The following PTCHD4 variants were observed in gnomAD, a reference collection of about 807,000 sequenced individuals.
The protein encoded by PTCHD4 is patched domain containing 4, also known as patched domain-containing protein 4.
PTCHD4 carries 33 observed loss-of-function variants against 58.1 expected under a neutral mutation model. The ratio of observed to expected loss-of-function variants is 0.57; its 90% CI spans 0.43 to 0.76. The LOEUF is 0.76. Among genes scored for constraint, PTCHD4 ranks in the 30% least tolerant of loss-of-function variants. The pLI, the probability that PTCHD4 is intolerant of heterozygous loss-of-function variation, is 0.00. For synonymous variants in PTCHD4, 478 were observed against 409.6 expected, an observed-to-expected ratio of 1.17 and a Z score of -2.02; for missense variants, 1,058 against 1,027.1, an observed-to-expected ratio of 1.03 and a Z score of -0.41.
intron 3 of PTCHD4, among the ~76,000 whole-genome samples, chr6:48,056,578 A>G (rs1451555003): frequency 1.3e-5 from 2 of 152,242 alleles, no homozygotes; most frequent in East Asian, 1.9e-4. Flanking sequence ...TATTAAAACA[A>G]TAAATGTAAC....
chr6:47,976,525 G>C (rs1396477925), intron 4 of PTCHD4, among the ~76,000 whole-genome samples: 1 of 151,926 alleles, frequency 6.6e-6, no homozygotes, highest in Non-Finnish European at 1.5e-5. Context: ...GTGGTGGCGT[G>C]CACCTGTAAT....
rs753915906 is a variant in PTCHD4 at position 47,879,185 on chromosome 6, C to T, written c.1650G>A (p.Gln550=). ...SGFTAVSWVE[Q]YYQFLKVSNV... is the part of the protein sequence containing the mutation. Reference sequence around the variant, plus strand: ...TGCTGACTTTCAGGAACTGGTAGTACTGCTCCACCCAGGACACTGCAGTGA... The same window carrying T: ...TGCTGACTTTCAGGAACTGGTAGTATTGCTCCACCCAGGACACTGCAGTGA... The change falls in exon 5 of 5, where the codon CAG becomes CAA. Residue 550 remains glutamine (Q), a synonymous_variant. Transcript: ENST00000339488. 1.2e-6 allele frequency: 2 copies of T among 1,612,394 alleles called. No homozygotes were observed. Among genetic ancestry groups the T allele is most frequent in the East Asian group, 4.5e-5 (2 of 44,848 alleles).
At chr6:48,089,233 T>C (rs930744777) in intron 1 of PTCHD4, among the ~76,000 whole-genome samples, 1 of 152,232 alleles carries the variant, frequency 6.6e-6, no homozygotes, top group Non-Finnish European at 1.5e-5. Flanking sequence ...ATGTCTGTAT[T>C]CTAAAGCAGA....
At chr6:48,055,025 C>T (rs556694506) in intron 3 of PTCHD4, among the ~76,000 whole-genome samples, 3 of 152,144 alleles carry the variant, frequency 2.0e-5, no homozygotes, top group Non-Finnish European at 4.4e-5. Flanking sequence ...CAAAGTCATA[C>T]AGCAAGTAAG....
intron 3 of PTCHD4, among the ~76,000 whole-genome samples, chr6:48,035,462 A>AT (rs1763599281): frequency 6.6e-6 from 1 of 151,806 alleles, no homozygotes; most frequent in Non-Finnish European, 1.5e-5. Flanking sequence ...AATTATATTA[A>AT]AAAATTATGA....
intron 4 of PTCHD4, among the ~76,000 whole-genome samples, chr6:47,980,384 C>T (rs1767837495): frequency 6.6e-6 from 1 of 151,996 alleles, no homozygotes; most frequent in Non-Finnish European, 1.5e-5. Context: ...TACCTTTCTT[C>T]TTTCTCTGTG....
chr6:47,942,541 G>A lies in PTCHD4; in HGVS notation c.899-62605C>T, dbSNP rs1198424784. Among the ~76,000 whole-genome samples, 5 of 152,072 alleles carry A rather than the reference G, an allele frequency of 3.3e-5. No homozygotes were observed. The South Asian group carries it at 8.3e-4, about 25-fold the overall frequency. ...GTCACAGCTGGTGAAGGTTGCCAAGGTCGCCCTGTTAGGCACAGACAGCTG... is the reference window on the plus strand; with the variant it reads ...GTCACAGCTGGTGAAGGTTGCCAAGATCGCCCTGTTAGGCACAGACAGCTG... On this transcript the variant is annotated intron_variant, in intron 4 of 4. Coordinates refer to ENST00000339488, the MANE Select transcript of PTCHD4 (RefSeq NM_001384253.1).
intron 1 of PTCHD4, among the ~76,000 whole-genome samples, chr6:48,094,610 C>T (rs1765425742): frequency 6.6e-6 from 1 of 152,180 alleles, no homozygotes; most frequent in Admixed American, 6.5e-5. Context: ...GATAGCTTTT[C>T]AAATCCTTCC....
intron 4 of PTCHD4, among the ~76,000 whole-genome samples, chr6:47,961,291 C>CT (rs563112072): frequency 1.0e-3 from 149 of 145,088 alleles, no homozygotes; most frequent in South Asian, 9.0e-3. Context: ...AAATTTCTTT[C>CT]TTTTTTTTTT....
intron 4 of PTCHD4, among the ~76,000 whole-genome samples, chr6:47,887,196 T>C (rs572190132): frequency 3.5e-4 from 52 of 149,984 alleles, no homozygotes; most frequent in African/African-American, 1.2e-3. Flanking sequence ...ATAGGTATAA[T>C]CTATATAAAT....
chr6:48,075,717 T>C (rs1765052742), intron 1 of PTCHD4, among the ~76,000 whole-genome samples: 2 of 152,230 alleles, frequency 1.3e-5, no homozygotes, highest in African/African-American at 4.8e-5. Flanking sequence ...TAGTTGTCAA[T>C]AGCATTACAT....
Position 48,068,658 on chromosome 6 carries a change from G to T in PTCHD4, c.6-17C>A. The T allele has an allele frequency of 6.5e-7, 1 of 1,533,896 alleles. No individual in the cohort carries two copies. Among genetic ancestry groups the T allele is most frequent in the Non-Finnish European group, 8.7e-7 (1 of 1,144,888 alleles). ...CCCGGCCGTCTTAAAAAGCACATGT[G>T]ACATGTGTAAGCGCCGGGCTACCCC... On this transcript the variant is annotated splice_polypyrimidine_tract_variant and intron_variant, in intron 2 of 4. Coordinates refer to ENST00000339488, the MANE Select transcript of PTCHD4 (RefSeq NM_001384253.1). The surrounding 1 kb of genome is among the most constrained non-coding windows in gnomAD (Gnocchi z 4.2).
chr6:47,919,751 C>T (rs1441431880), intron 4 of PTCHD4, among the ~76,000 whole-genome samples: 3 of 151,848 alleles, frequency 2.0e-5, no homozygotes, highest in African/African-American at 7.3e-5. Context: ...TTAATTTTTC[C>T]AAAAGACATT....
At chr6:47,885,419 G>A (rs117507759) in intron 4 of PTCHD4, among the ~76,000 whole-genome samples, 2 of 152,138 alleles carry the variant, frequency 1.3e-5, no homozygotes, top group East Asian at 3.9e-4. Context: ...ACAATGATTT[G>A]GTAAGTTCTG....
chr6:48,069,488 C>T lies in PTCHD4; in HGVS notation c.-531G>A, dbSNP rs1764930580. On this transcript the variant is annotated 5_prime_UTR_variant, in exon 2 of 5. It introduces an in-frame stop codon into an upstream open reading frame of the 5' UTR. Transcript: ENST00000339488. Reference sequence around the variant, plus strand: ...GGATGATGCTGCATTTTTAACACACCACACAGCATGCAAGGGATTTCCTCG... The same window carrying T: ...GGATGATGCTGCATTTTTAACACACTACACAGCATGCAAGGGATTTCCTCG... 6.6e-6 allele frequency among the ~76,000 whole-genome samples: 1 copy of T among 152,108 alleles called. No homozygotes were observed. The highest frequency in any genetic ancestry group is 1.5e-5 in the Non-Finnish European group (1 of 68,022).
rs1762563959 is a variant in PTCHD4, at chr6:48,008,842, G to A, written c.690C>T (p.Ala230=). The A allele has an allele frequency of 1.9e-6, 3 of 1,613,994 alleles. No homozygotes were observed. Among genetic ancestry groups the A allele is most frequent in the Non-Finnish European group, 2.5e-6 (3 of 1,179,888 alleles). ...CGAGGCTCACCAGGACCTTGCTTCT[G>A]GCCAGGATGCTGGTCTTATGAAAGT... is the stretch of plus-strand genomic sequence containing the variant. ...WRDFHKTSIL[A]RSKVLVSLVL... The change falls in exon 4 of 5, where the codon GCC becomes GCT. Residue 230 remains alanine, a synonymous_variant. Coordinates refer to ENST00000339488, the MANE Select transcript of PTCHD4 (RefSeq NM_001384253.1).
Position 47,983,313 on chromosome 6 carries a change from A to G in PTCHD4, c.898+25321T>C, listed in dbSNP as rs182778553. On this transcript the variant is annotated intron_variant, in intron 4 of 4. Coordinates refer to ENST00000339488, the MANE Select transcript of PTCHD4 (RefSeq NM_001384253.1). ...TAAAAAGTATGATCTAAAAAGTTTT[A>G]ATGGTGCCTTGTAATGCCAATGTTG... is the stretch of plus-strand genomic sequence containing the variant. Among the ~76,000 whole-genome samples, 8 of 152,304 alleles carry G rather than the reference A, an allele frequency of 5.3e-5. No individual in the cohort carries two copies. The East Asian group carries it at 1.2e-3, about 22-fold the overall frequency.
chr6:48,005,913 A>T (rs1179744700), intron 4 of PTCHD4, among the ~76,000 whole-genome samples: 3 of 152,206 alleles, frequency 2.0e-5, no homozygotes, highest in Non-Finnish European at 4.4e-5. Flanking sequence ...AGTTAGTAGA[A>T]ATGCTGGGAT....
At chr6:47,914,036 A>G (rs565180226) in intron 4 of PTCHD4, among the ~76,000 whole-genome samples, 4 of 152,262 alleles carry the variant, frequency 2.6e-5, no homozygotes, top group East Asian at 3.9e-4. Flanking sequence ...TTATTGTCCA[A>G]TGATCTGGCT....
Sources: gnomAD v4.1 joint callset for allele counts (sites outside exome capture counted in the v4.1 genomes callset) on GRCh38, gnomAD v4.1.1 for gene constraint, Gnocchi (gnomAD v3.1) non-coding constraint, MANE v1.5 for transcripts, NCBI Gene and HGNC (gene_info 2026-07-23, HGNC 2026-07-21) for gene names.